The following CNTNAP2 variants were observed in gnomAD, a reference collection of about 807,000 sequenced individuals.
CNTNAP2 encodes contactin associated protein 2, also known as contactin-associated protein-like 2.
A neutral mutation model predicts 155.2 loss-of-function variants in CNTNAP2; 98 were observed. That is an observed-to-expected ratio of 0.63 (90% CI 0.54 to 0.75). CNTNAP2 has a LOEUF of 0.75. Ranked by LOEUF, CNTNAP2 falls within the 30% of genes least tolerant of loss-of-function variation. The probability of loss-of-function intolerance (pLI) is 0.00; values close to 1 mark genes in which losing one functional copy is unlikely to be tolerated. For missense variants in CNTNAP2, 1,727 were observed against 1,688.1 expected, an observed-to-expected ratio of 1.02 and a Z score of -0.40; for synonymous variants, 651 against 631.2, an observed-to-expected ratio of 1.03 and a Z score of -0.47.
At chr7:148,058,852 A>G (rs1485382822) in intron 15 of CNTNAP2, among the ~76,000 whole-genome samples, 2 of 152,186 alleles carry the variant, frequency 1.3e-5, no homozygotes, top group Non-Finnish European at 2.9e-5. Context: ...CAGGTGTTAG[A>G]AAGACAAAAT....
intron 14 of CNTNAP2, among the ~76,000 whole-genome samples, chr7:147,957,568 G>C (rs1455716327): frequency 6.6e-6 from 1 of 152,146 alleles, no homozygotes; most frequent in East Asian, 1.9e-4. Context: ...TGGGAAACGA[G>C]ATGCTCAAAG....
intron 21 of CNTNAP2, among the ~76,000 whole-genome samples, chr7:148,373,458 A>C (rs890462411): frequency 5.9e-5 from 9 of 152,202 alleles, no homozygotes; most frequent in African/African-American, 1.2e-4. Context: ...CAGTCTCAAA[A>C]AACAACAACA....
intron 13 of CNTNAP2, among the ~76,000 whole-genome samples, chr7:147,864,658 G>A (rs534706662): frequency 3.2e-4 from 49 of 152,114 alleles, no homozygotes; most frequent in Non-Finnish European, 6.0e-4. Flanking sequence ...CTTGTAAGTT[G>A]GATTCCTGGG....
At chr7:146,930,764 A>G (rs368576669) in intron 3 of CNTNAP2, among the ~76,000 whole-genome samples, 52,899 of 151,754 alleles carry the variant, frequency 0.35, 9,854 homozygotes, top group Middle Eastern at 0.42. Context: ...ATGGAAAACA[A>G]AAAAAGGCAG....
intron 1 of CNTNAP2, among the ~76,000 whole-genome samples, chr7:146,340,649 C>T (rs535858264): frequency 6.6e-6 from 1 of 152,110 alleles, no homozygotes; most frequent in East Asian, 1.9e-4. Flanking sequence ...TCTAGGTTAA[C>T]AAATGTTAGC....
intron 1 of CNTNAP2, among the ~76,000 whole-genome samples, chr7:146,215,694 C>A (rs1562993061): frequency 6.6e-6 from 1 of 151,950 alleles, no homozygotes; most frequent in East Asian, 1.9e-4. Flanking sequence ...GAATGAAGTA[C>A]CTTATTACAC....
At chr7:147,819,575 C>T (rs931589776) in intron 13 of CNTNAP2, among the ~76,000 whole-genome samples, 2 of 152,094 alleles carry the variant, frequency 1.3e-5, no homozygotes, top group Non-Finnish European at 2.9e-5. Flanking sequence ...TCATGAAATG[C>T]AGACTCTAAG....
chr7:146,328,854 C>A (rs1801137448), intron 1 of CNTNAP2, among the ~76,000 whole-genome samples: 1 of 152,182 alleles, frequency 6.6e-6, no homozygotes, highest in South Asian at 2.1e-4. Context: ...CATGTTGTCA[C>A]AAGTGGTATG....
chr7:146,189,265 A>G (rs1798668288), intron 1 of CNTNAP2, among the ~76,000 whole-genome samples: 1 of 152,222 alleles, frequency 6.6e-6, no homozygotes, highest in South Asian at 2.1e-4. Context: ...TGTTGGCCAC[A>G]TGATAATATG....
intron 1 of CNTNAP2, among the ~76,000 whole-genome samples, chr7:146,770,366 C>T (rs187784508): frequency 6.8e-5 from 10 of 146,862 alleles, no homozygotes; most frequent in African/African-American, 2.5e-4. Flanking sequence ...ATATAATCTG[C>T]CTGAAGTAGT....
At chr7:148,392,262 C>T (rs1319647279) in intron 22 of CNTNAP2, among the ~76,000 whole-genome samples, 4 of 137,864 alleles carry the variant, frequency 2.9e-5, no homozygotes, top group South Asian at 2.1e-4. Flanking sequence ...TTAGTAGAGA[C>T]GGGGTTTCAC....
chr7:148,060,887 A>T (rs754487452), intron 15 of CNTNAP2, among the ~76,000 whole-genome samples: 29 of 152,224 alleles, frequency 1.9e-4, no homozygotes, highest in Non-Finnish European at 3.8e-4. Flanking sequence ...GGGAAGTCAG[A>T]GAAAAAGTAA....
intron 20 of CNTNAP2, among the ~76,000 whole-genome samples, chr7:148,259,199 A>AAAG (rs1389986997): frequency 6.8e-6 from 1 of 146,096 alleles, no homozygotes; most frequent in Non-Finnish European, 1.5e-5. Flanking sequence ...AAAAAAAAAA[A>AAAG]AAAAAAAAAA....
chr7:146,375,197 A>C (rs898914746), intron 1 of CNTNAP2, among the ~76,000 whole-genome samples: 7 of 152,218 alleles, frequency 4.6e-5, no homozygotes, highest in African/African-American at 1.7e-4. Context: ...TTACCAGACT[A>C]TCTCTCAACA....
intron 20 of CNTNAP2, among the ~76,000 whole-genome samples, chr7:148,251,643 A>G (rs1375407049): frequency 1.3e-5 from 2 of 152,202 alleles, no homozygotes; most frequent in Non-Finnish European, 2.9e-5. Flanking sequence ...TCCTCCTTAC[A>G]TGAATGCCCT....
chr7:146,725,823 G>T (rs73740822), intron 1 of CNTNAP2, among the ~76,000 whole-genome samples: 2 of 152,062 alleles, frequency 1.3e-5, no homozygotes, highest in South Asian at 2.1e-4. Flanking sequence ...AGCTCCCATT[G>T]CCAGGTCACC....
intron 13 of CNTNAP2, among the ~76,000 whole-genome samples, chr7:147,743,644 C>T (rs1413447870): frequency 1.3e-5 from 2 of 152,124 alleles, no homozygotes; most frequent in Non-Finnish European, 2.9e-5. Context: ...TTCATCTTCT[C>T]CCACTTAGTT....
Position 148,347,285 on chromosome 7 carries a change from C to A in CNTNAP2, c.3476-36364C>A, listed in dbSNP as rs143286087. On this transcript the variant is annotated intron_variant, in intron 21 of 23. Coordinates refer to ENST00000361727, the MANE Select transcript of CNTNAP2 (RefSeq NM_014141.6). ...AAAAAAAAAAAGAGAAAACAAAAAA[C>A]CAACTATCTAAGGCAGAATGGTAAT... is the stretch of plus-strand genomic sequence containing the variant. Among the ~76,000 whole-genome samples, 1,037 of 150,954 alleles carry A rather than the reference C, an allele frequency of 6.9e-3. 7 individuals carry two copies. The highest frequency in any genetic ancestry group is 0.012 in the Non-Finnish European group (816 of 67,744).
At chr7:146,526,049 T>A (rs974299978) in intron 1 of CNTNAP2, among the ~76,000 whole-genome samples, 2 of 152,140 alleles carry the variant, frequency 1.3e-5, no homozygotes. Flanking sequence ...AAGCTTTTTT[T>A]TCTGATTTGA....
Sources: gnomAD v4.1 joint callset for allele counts (sites outside exome capture counted in the v4.1 genomes callset) on GRCh38, gnomAD v4.1.1 for gene constraint, MANE v1.5 for transcripts, NCBI Gene and HGNC (gene_info 2026-07-23, HGNC 2026-07-21) for gene names.